NRXN3: variants seen among roughly 807,000 people sequenced by gnomAD.
NRXN3 encodes the protein neurexin 3.
Under a neutral mutation model 137.6 loss-of-function variants are expected in NRXN3, and 32 were observed. That is an observed-to-expected ratio of 0.23 (90% CI 0.18 to 0.31). NRXN3 has a LOEUF of 0.31. Ranked by LOEUF, NRXN3 falls within the 10% of genes least tolerant of loss-of-function variation. The pLI is 1.00. For synonymous variants in NRXN3, 798 were observed against 784.5 expected (o/e 1.02, Z -0.29); for missense variants, 1,574 against 2,062.5 (o/e 0.76, Z 4.59).
At chr14:78,622,097 G>A (rs1341030906) in intron 4 of NRXN3, among the ~76,000 whole-genome samples, 1 of 152,272 alleles carries the variant, frequency 6.6e-6, no homozygotes, top group African/African-American at 2.4e-5. Context: ...AAGTGAAGGG[G>A]TGGGATGGGA....
chr14:79,259,484 T>C (rs1178347083), intron 15 of NRXN3, among the ~76,000 whole-genome samples: 7 of 151,196 alleles, frequency 4.6e-5, no homozygotes, highest in Admixed American at 6.6e-5. Context: ...AACGTGGTTG[T>C]AGCATCAATA....
At chr14:78,184,262 G>A (rs1160479342) in intron 1 of NRXN3, among the ~76,000 whole-genome samples, 1 of 152,320 alleles carries the variant, frequency 6.6e-6, no homozygotes, top group Admixed American at 6.5e-5. Context: ...GCGCCCGCTC[G>A]ATGCCAGGCA....
chr14:78,574,495 G>A (rs376031608), intron 4 of NRXN3, among the ~76,000 whole-genome samples: 100 of 152,352 alleles, frequency 6.6e-4, no homozygotes, highest in African/African-American at 2.3e-3. Flanking sequence ...TCTTGCATCA[G>A]CATGCCCTGG....
At chr14:78,829,807 G>C (rs1360771706) in intron 10 of NRXN3, among the ~76,000 whole-genome samples, 5 of 152,126 alleles carry the variant, frequency 3.3e-5, no homozygotes, top group Non-Finnish European at 5.9e-5. Flanking sequence ...AAAAAATCAA[G>C]TCCTTTGCCT....
At chr14:79,750,008 A>G (rs368320588) in intron 19 of NRXN3, among the ~76,000 whole-genome samples, 1 of 152,172 alleles carries the variant, frequency 6.6e-6, no homozygotes, top group East Asian at 1.9e-4. Flanking sequence ...CTTTCAGATA[A>G]TTTTGATGAG....
intron 4 of NRXN3, among the ~76,000 whole-genome samples, chr14:78,479,428 A>G (rs1254036601): frequency 6.6e-6 from 1 of 152,210 alleles, no homozygotes; most frequent in African/African-American, 2.4e-5. Flanking sequence ...TATTTCTAAC[A>G]CATCCTTGGG....
In NRXN3 at chr14:79,086,291, G is replaced by A. The variant is rs572197562; in HGVS notation, c.3262+98150G>A. Reference sequence around the variant, plus strand: ...TCATTTTCTCAAGGCCGTGTATCTGGTTAGAGGCAGAGGTAGGAAGGAAAC... The same window carrying A: ...TCATTTTCTCAAGGCCGTGTATCTGATTAGAGGCAGAGGTAGGAAGGAAAC... On this transcript the variant is annotated intron_variant, in intron 15 of 20. Transcript: ENST00000335750. Among the ~76,000 whole-genome samples, 9 of 152,250 alleles carry A rather than the reference G, an allele frequency of 5.9e-5. No homozygotes were observed. The South Asian group carries it at 1.9e-3, about 32-fold the overall frequency.
intron 18 of NRXN3, among the ~76,000 whole-genome samples, chr14:79,696,445 C>T (rs1444612401): frequency 6.6e-6 from 1 of 151,782 alleles, no homozygotes; most frequent in Admixed American, 6.6e-5. Context: ...TATTTAATTC[C>T]ATTAATAAGT....
rs1478774246 is a variant in NRXN3, at chr14:79,791,466, ATAATTATATATTGTAATAATTATAAT to A, written c.4015-13628_4015-13603del. Among the ~76,000 whole-genome samples the A allele has an allele frequency of 5.5e-5, 8 of 144,242 alleles. No individual in the cohort carries two copies. In the South Asian group the frequency reaches 1.1e-3, roughly 20 times the overall value. 94.6% of individuals were successfully genotyped at this position (144,242 alleles called of 152,430 possible). A position where few individuals can be genotyped will look rare whatever the true frequency, so the allele number is the denominator to read the frequency against. On this transcript the variant is annotated intron_variant, in intron 19 of 20. Coordinates refer to ENST00000335750, the MANE Select transcript of NRXN3 (RefSeq NM_001330195.2). ...TATTTTATAATAAATAATTATAATAATAATTATATATTGTAATAATTATAATTAATTATATATTGTAATTATAATTA... is the reference window on the plus strand; with the variant it reads ...TATTTTATAATAAATAATTATAATAATAATTATATATTGTAATTATAATTA...
At chr14:78,231,221 T>C (rs960114538) in intron 1 of NRXN3, 4 of 152,266 alleles carry the variant, frequency 2.6e-5, no homozygotes, top group African/African-American at 9.6e-5. Context: ...ATGGTATCCA[T>C]ATTCTTTTTC....
chr14:78,662,662 A>G (rs1477808338), intron 6 of NRXN3, among the ~76,000 whole-genome samples: 1 of 152,212 alleles, frequency 6.6e-6, no homozygotes, highest in Non-Finnish European at 1.5e-5. Context: ...CTATAGTTCT[A>G]CGATGAATGA....
At chr14:78,965,653 C>T (rs991550413) in intron 11 of NRXN3, among the ~76,000 whole-genome samples, 2 of 152,140 alleles carry the variant, frequency 1.3e-5, no homozygotes, top group East Asian at 1.9e-4. Flanking sequence ...ATGCCCAAGA[C>T]TTGTGTGTTG....
chr14:79,023,967 G>C (rs2099594028), intron 15 of NRXN3, among the ~76,000 whole-genome samples: 1 of 152,100 alleles, frequency 6.6e-6, no homozygotes, highest in Non-Finnish European at 1.5e-5. Context: ...TCTTCAAGTG[G>C]CTATGTTCCT....
intron 20 of NRXN3, among the ~76,000 whole-genome samples, chr14:79,851,369 T>TG (rs1477920112): frequency 6.6e-6 from 1 of 152,102 alleles, no homozygotes; most frequent in African/African-American, 2.4e-5. Flanking sequence ...ATTAATTTTT[T>TG]TTTCCTCCAT....
chr14:79,390,186 G>A (rs954749030), intron 15 of NRXN3, among the ~76,000 whole-genome samples: 5 of 151,742 alleles, frequency 3.3e-5, no homozygotes, highest in East Asian at 1.9e-4. Flanking sequence ...GCGCGGTGGC[G>A]GGCACCTGTA....
At chr14:78,438,021 G>A (rs1375388775) in intron 4 of NRXN3, among the ~76,000 whole-genome samples, 2 of 152,194 alleles carry the variant, frequency 1.3e-5, no homozygotes, top group East Asian at 3.9e-4. Flanking sequence ...GTAGATGTGG[G>A]GTGTGGTGAT....
At chr14:79,653,462 A>C (rs1310972569) in intron 16 of NRXN3, among the ~76,000 whole-genome samples, 1 of 152,192 alleles carries the variant, frequency 6.6e-6, no homozygotes, top group African/African-American at 2.4e-5. Flanking sequence ...ATGTGATATC[A>C]TTACAATTTT....
chr14:79,524,277 C>T lies in NRXN3; in HGVS notation c.3444+56875C>T, dbSNP rs538817575. Reference sequence around the variant, plus strand: ...TTTTCTTCTAAATTTCTAAGACAACCAGTGAAGCTTGAGGCCTTTTCTCCA... The same window carrying T: ...TTTTCTTCTAAATTTCTAAGACAACTAGTGAAGCTTGAGGCCTTTTCTCCA... On this transcript the variant is annotated intron_variant, in intron 16 of 20. Transcript: ENST00000335750. Among the ~76,000 whole-genome samples the T allele has an allele frequency of 1.6e-4, 24 of 152,276 alleles. No homozygotes were observed. The South Asian group carries it at 4.8e-3, about 30-fold the overall frequency.
At chr14:79,307,370 C>T (rs1338866067) in intron 15 of NRXN3, among the ~76,000 whole-genome samples, 1 of 151,922 alleles carries the variant, frequency 6.6e-6, no homozygotes, top group Non-Finnish European at 1.5e-5. Flanking sequence ...TTAGGTTTAC[C>T]CCTTGTTATT....
Sources: allele counts gnomAD v4.1 joint callset (sites outside exome capture counted in the v4.1 genomes callset), GRCh38; gene constraint gnomAD v4.1.1; transcripts MANE v1.5; gene names NCBI Gene and HGNC (gene_info 2026-07-23, HGNC 2026-07-21).